HDAC4: variants seen among roughly 807,000 people sequenced by gnomAD.
The protein encoded by HDAC4 is histone deacetylase 4.
In HDAC4, 16 loss-of-function variants were observed where a neutral mutation model predicts 135.1. The observed-to-expected ratio is 0.12, with a 90% CI of 0.08 to 0.18. The LOEUF is 0.18. Among genes scored for constraint, HDAC4 ranks in the 10% least tolerant of loss-of-function variants. HDAC4 has a pLI of 1.00. For missense variants in HDAC4, 1,143 were observed against 1,511.8 expected (o/e 0.76, Z 4.05); for synonymous variants, 685 against 653.4 (o/e 1.05, Z -0.74).
In HDAC4 at chr2:239,052,965, G is replaced by A; in HGVS notation, c.*132C>T. 3 of 1,070,588 alleles carry A rather than the reference G, an allele frequency of 2.8e-6. No homozygotes were observed. The highest frequency in any genetic ancestry group is 2.4e-5 in the East Asian group (1 of 42,130). 66.3% of individuals were successfully genotyped at this position (1,070,588 alleles called of 1,614,324 possible). A position where few individuals can be genotyped will look rare whatever the true frequency, so the allele number is the denominator to read the frequency against. ...GGCGGCAGAAAGGCTTCCCGTGGCT[G>A]TTGCACGCTGGGTGTCCCTGGGTGC... On this transcript the variant is annotated 3_prime_UTR_variant, in exon 27 of 27. Coordinates refer to ENST00000543185, the MANE Select transcript of HDAC4 (RefSeq NM_001378414.1).
At chr2:239,254,653 A>AAAAG (rs1175526439) in intron 2 of HDAC4, among the ~76,000 whole-genome samples, 1 of 152,236 alleles carries the variant, frequency 6.6e-6, no homozygotes, top group African/African-American at 2.4e-5. Flanking sequence ...AAGCAAGGAT[A>AAAAG]AAAGAATAAG....
At position 239,102,855 on chromosome 2, in the gene HDAC4, C is replaced by T. The variant is rs781088251; in HGVS notation, c.2154G>A (p.Thr718=). 2.5e-6 allele frequency: 4 copies of T among 1,613,834 alleles called. No homozygotes were observed. Among genetic ancestry groups the T allele is most frequent in the African/African-American group, 1.3e-5 (1 of 74,910 alleles). Reference sequence around the variant, plus strand: ...GGAGGGTGTGGGCTTCCGAGTGCACCGTCTGTAGCTCCTCCAGGGTGGCCT... The same window carrying T: ...GGAGGGTGTGGGCTTCCGAGTGCACTGTCTGTAGCTCCTCCAGGGTGGCCT... ...GRKATLEELQ[T]VHSEAHTLLY... Residue 718 remains threonine, a synonymous_variant, in exon 16 of 27, where the codon ACG becomes ACA. Coordinates refer to ENST00000543185, the MANE Select transcript of HDAC4 (RefSeq NM_001378414.1).
At chr2:239,368,645 G>T (rs550509544) in intron 1 of HDAC4, among the ~76,000 whole-genome samples, 4 of 152,204 alleles carry the variant, frequency 2.6e-5, no homozygotes, top group African/African-American at 9.6e-5. Flanking sequence ...ACTCCTCAGT[G>T]GTCAGGACCG....
chr2:239,191,678 T>C (rs895806), intron 3 of HDAC4, among the ~76,000 whole-genome samples: 59,164 of 151,986 alleles, frequency 0.39, 11,953 homozygotes, highest in African/African-American at 0.5. Flanking sequence ...GTGCCCAGGG[T>C]GAGGGGTGCT....
intron 2 of HDAC4, among the ~76,000 whole-genome samples, chr2:239,326,820 C>G (rs112045860): frequency 6.6e-6 from 1 of 152,212 alleles, no homozygotes; most frequent in African/African-American, 2.4e-5. Flanking sequence ...TTCTCTGGTC[C>G]GAGACCCCCA....
intron 12 of HDAC4, among the ~76,000 whole-genome samples, chr2:239,117,508 G>A (rs1478825925): frequency 6.7e-6 from 1 of 148,338 alleles, no homozygotes; most frequent in Non-Finnish European, 1.5e-5. Context: ...GGATGAATGT[G>A]AGCAGAGCAA....
intron 5 of HDAC4, among the ~76,000 whole-genome samples, chr2:239,174,685 A>G (rs76527049): frequency 5.6e-4 from 86 of 152,388 alleles, no homozygotes; most frequent in African/African-American, 2.1e-3. Context: ...AAGAATGCAC[A>G]TAGCAATACT....
chr2:239,054,948 T>C lies in HDAC4; in HGVS notation c.3004-115A>G, dbSNP rs1302798374. On this transcript the variant is annotated intron_variant, in intron 24 of 26. Transcript: ENST00000543185. ...GCACAGAGACCCTTGTGGGGTGCATTTGCCCACAGAGTAGAAAAAAATAAC... is the reference window on the plus strand; with the variant it reads ...GCACAGAGACCCTTGTGGGGTGCATCTGCCCACAGAGTAGAAAAAAATAAC... The C allele has an allele frequency of 6.4e-6, 5 of 786,258 alleles. No individual in the cohort carries two copies. In the East Asian group the frequency reaches 1.2e-4, roughly 19 times the overall value. 48.7% of individuals were successfully genotyped at this position (786,258 alleles called of 1,614,324 possible).
intron 2 of HDAC4, among the ~76,000 whole-genome samples, chr2:239,255,295 C>CTG (rs60768204): frequency 0.012 from 1,722 of 149,640 alleles, 17 homozygotes; most frequent in African/African-American, 0.027. Flanking sequence ...TGTTTTCTCA[C>CTG]TGTGTGTGTG....
intron 3 of HDAC4, among the ~76,000 whole-genome samples, chr2:239,195,336 G>A (rs970178200): frequency 6.6e-6 from 1 of 152,250 alleles, no homozygotes; most frequent in Middle Eastern, 3.2e-3. Context: ...CACCTCTGAA[G>A]ACAATGCTGC....
Position 239,177,394 on chromosome 2 carries a change from G to A in HDAC4, c.340-831C>T, listed in dbSNP as rs2043842418. ...AGTGGAGGTGAAACCCAAAAATATG[G>A]AGGGCTGACTATATTCACATGAAGC... On this transcript the variant is annotated intron_variant, in intron 4 of 26. Transcript: ENST00000543185. Among the ~76,000 whole-genome samples the A allele has an allele frequency of 2.0e-5, 3 of 152,194 alleles. No homozygotes were observed. In the South Asian group the frequency reaches 6.2e-4, roughly 31 times the overall value.
At chr2:239,373,214 G>A (rs1694760247) in intron 1 of HDAC4, among the ~76,000 whole-genome samples, 3 of 152,118 alleles carry the variant, frequency 2.0e-5, no homozygotes, top group African/African-American at 2.4e-5. Context: ...CTCCAGCCAT[G>A]CCCGACACTG....
At chr2:239,269,027 A>T (rs1234958275) in intron 2 of HDAC4, among the ~76,000 whole-genome samples, 3 of 152,210 alleles carry the variant, frequency 2.0e-5, no homozygotes, top group Non-Finnish European at 2.9e-5. Flanking sequence ...AGGAGCTACC[A>T]TTGGAAACGT....
chr2:239,137,895 T>G (rs2041086484), intron 9 of HDAC4, among the ~76,000 whole-genome samples: 2 of 152,212 alleles, frequency 1.3e-5, no homozygotes, highest in Non-Finnish European at 2.9e-5. Context: ...TTCTACATGT[T>G]CTATTAATTT....
Position 239,132,965 on chromosome 2 carries a change from C to T in HDAC4, c.1294+1280G>A, listed in dbSNP as rs3791465. Among the ~76,000 whole-genome samples, 1,552 of 152,240 alleles carry T rather than the reference C, an allele frequency of 0.01. 106 individuals are homozygous for T. The East Asian group carries it at 0.2, about 19-fold the overall frequency. ...AGATACATTCCTCCAGAGAGATCCG[C>T]GTGCCTGCCACTGTGGCCGCAGCTC... On this transcript the variant is annotated intron_variant, in intron 11 of 26. Transcript: ENST00000543185.
chr2:239,060,810 C>G (rs1291659641), intron 24 of HDAC4, among the ~76,000 whole-genome samples: 1 of 152,272 alleles, frequency 6.6e-6, no homozygotes, highest in East Asian at 1.9e-4. Context: ...GCAGCCCGCA[C>G]CTGCCCCGGC....
Position 239,303,487 on chromosome 2 carries a change from G to T in HDAC4, c.22+49191C>A, listed in dbSNP as rs1038032159. On this transcript the variant is annotated intron_variant, in intron 2 of 26. Transcript: ENST00000543185. This position sits in a 1 kb window ranked among gnomAD's most constrained non-coding sequence, Gnocchi z 5.1. ...CACCCCACGAACAAGACACGGCAGC[G>T]TGCTTCCTCGATCTCCCCGCTCCTT... Among the ~76,000 whole-genome samples the T allele has an allele frequency of 6.6e-6, 1 of 152,046 alleles. No individual in the cohort carries two copies. The highest frequency in any genetic ancestry group is 1.5e-5 in the Non-Finnish European group (1 of 68,010).
At chr2:239,287,539 A>C (rs1362820897) in intron 2 of HDAC4, among the ~76,000 whole-genome samples, 2 of 152,232 alleles carry the variant, frequency 1.3e-5, no homozygotes, top group Non-Finnish European at 2.9e-5. Flanking sequence ...CCCAATGCCT[A>C]CTTCAAGGGA....
chr2:239,292,025 C>A (rs1275615249), intron 2 of HDAC4, among the ~76,000 whole-genome samples: 1 of 151,610 alleles, frequency 6.6e-6, no homozygotes, highest in Non-Finnish European at 1.5e-5. Context: ...GCGCGCACGG[C>A]CCAGCTCGGC....
Sources: gnomAD v4.1 joint callset for allele counts (sites outside exome capture counted in the v4.1 genomes callset) on GRCh38, gnomAD v4.1.1 for gene constraint, Gnocchi (gnomAD v3.1) non-coding constraint, MANE v1.5 for transcripts, NCBI Gene and HGNC (gene_info 2026-07-23, HGNC 2026-07-21) for gene names.